The following CD300LD variants were observed in gnomAD, a reference collection of about 807,000 sequenced individuals.
CD300LD encodes CMRF35-like molecule 5.
CD300LD carries 18 observed loss-of-function variants against 20.3 expected under a neutral mutation model. The ratio of observed to expected loss-of-function variants is 0.89; its 90% confidence interval spans 0.61 to 1.32. CD300LD has a LOEUF of 1.32. Ranked by LOEUF, CD300LD falls within the 40% of genes most tolerant of loss-of-function variation. The pLI is 0.00. For missense variants in CD300LD, 195 were observed against 226.6 expected (o/e 0.86, Z 0.90); for synonymous variants, 104 against 90.1 (o/e 1.15, Z -0.87).
intron 2 of CD300LD, among the ~76,000 whole-genome samples, chr17:74,586,965 C>G (rs1017075347): frequency 1.3e-5 from 2 of 152,132 alleles, no homozygotes; most frequent in Non-Finnish European, 1.5e-5. Context: ...GCCTGACCAA[C>G]ATGGAGAAAC....
chr17:74,580,056 G>A lies in CD300LD; in HGVS notation c.531C>T (p.Leu177=). ...LFLFLLELPL[L]LSMLGTVLWV... is the part of the protein sequence containing the mutation. ...AGAGGACGGTCCCCAGCATGCTCAG[G>A]AGCAGAGGCAGCTCCAGGAGGAACA... Residue 177 remains leucine, a synonymous_variant, in exon 4 of 4, where the codon CTC becomes CTT. Coordinates refer to ENST00000375352, the MANE Select transcript of CD300LD (RefSeq NM_001115152.2). 1.9e-6 allele frequency: 3 copies of A among 1,613,630 alleles called. No individual in the cohort carries two copies. The highest frequency in any genetic ancestry group is 2.5e-6 in the Non-Finnish European group (3 of 1,179,794).
chr17:74,585,188 C>T (rs2030128950), intron 2 of CD300LD, among the ~76,000 whole-genome samples: 1 of 152,182 alleles, frequency 6.6e-6, no homozygotes, highest in Non-Finnish European at 1.5e-5. Flanking sequence ...TTTCCACAGA[C>T]AGGCAGTCTT....
chr17:74,584,458 A>T (rs1750579646), intron 2 of CD300LD, among the ~76,000 whole-genome samples: 1 of 152,202 alleles, frequency 6.6e-6, no homozygotes, highest in African/African-American at 2.4e-5. Context: ...TGAAAGCAGG[A>T]TGTTGGAAAA....
At chr17:74,589,446 T>A (rs1465695297) in intron 1 of CD300LD, among the ~76,000 whole-genome samples, 1 of 152,218 alleles carries the variant, frequency 6.6e-6, no homozygotes, top group Non-Finnish European at 1.5e-5. Context: ...ACTTTTAAGA[T>A]AAACACAAGT....
At chr17:74,582,820 G>C (rs1015970978) in intron 2 of CD300LD, among the ~76,000 whole-genome samples, 14 of 152,110 alleles carry the variant, frequency 9.2e-5, no homozygotes, top group Non-Finnish European at 1.5e-4. Flanking sequence ...TACCCCTGTT[G>C]AAGTCTGGCT....
Position 74,579,970 on chromosome 17 carries a change from G to C in CD300LD, c.*32C>G. 7.2e-7 allele frequency: 1 copy of C among 1,387,582 alleles called. No homozygotes were observed. The highest frequency in any genetic ancestry group is 1.0e-6 in the Non-Finnish European group (1 of 978,188). The allele number at this position is 1,387,582 out of a possible 1,614,324, so 86.0% of individuals were successfully genotyped here. A position where few individuals can be genotyped will look rare whatever the true frequency, so the allele number is the denominator to read the frequency against. ...CTGGACAGGACGTCAATGGGCATTG[G>C]GACTCTCATCATCGGGCTGACTCCT... is the stretch of plus-strand genomic sequence containing the variant. On this transcript the variant is annotated 3_prime_UTR_variant, in exon 4 of 4. Coordinates refer to ENST00000375352, the MANE Select transcript of CD300LD (RefSeq NM_001115152.2).
At chr17:74,591,914 T>G in intron 1 of CD300LD, 1 of 1,011,090 alleles carries the variant, frequency 9.9e-7, no homozygotes, top group Non-Finnish European at 1.4e-6. Flanking sequence ...TATGGAACAG[T>G]CAGGGTTGAG....
chr17:74,591,968 G>A, intron 1 of CD300LD, 195 bp downstream of exon 1: 1 of 1,479,200 alleles, frequency 6.8e-7, no homozygotes, highest in Non-Finnish European at 9.1e-7. Flanking sequence ...TGTTTTGTGT[G>A]TGTTTGTTTC....
intron 3 of CD300LD, among the ~76,000 whole-genome samples, chr17:74,580,792 G>A (rs1174376875): frequency 8.6e-5 from 13 of 151,810 alleles, no homozygotes; most frequent in South Asian, 4.2e-4. Flanking sequence ...CAGGCCAGGC[G>A]TGGTGGTTCG....
Position 74,585,386 on chromosome 17 carries a change from T to A in CD300LD, c.380-3075A>T, listed in dbSNP as rs369904224. On this transcript the variant is annotated intron_variant, in intron 2 of 3. Coordinates refer to ENST00000375352, the MANE Select transcript of CD300LD (RefSeq NM_001115152.2). ...TCTAAAAATCTGAAAAAATATTTTG[T>A]CCCACCCACAGTACCAATTAAAAAT... 9.9e-5 allele frequency among the ~76,000 whole-genome samples: 15 copies of A among 152,160 alleles called. No individual in the cohort carries two copies. The East Asian group carries it at 1.7e-3, about 18-fold the overall frequency.
At chr17:74,581,894 T>C (rs1022717842) in intron 3 of CD300LD, among the ~76,000 whole-genome samples, 74 of 152,282 alleles carry the variant, frequency 4.9e-4, no homozygotes, top group Middle Eastern at 3.4e-3. Context: ...AGGTTTGCAG[T>C]GACTTTACTG....
At chr17:74,590,614 A>G (rs1174973024) in intron 1 of CD300LD, 1 of 152,156 alleles carries the variant, frequency 6.6e-6, no homozygotes, top group Non-Finnish European at 1.5e-5. Context: ...CTCCATGCCC[A>G]AATCTGCTTT....
rs896186246 is a variant in CD300LD at position 74,579,505 on chromosome 17, G to A, written c.*497C>T. On this transcript the variant is annotated 3_prime_UTR_variant, in exon 4 of 4. Coordinates refer to ENST00000375352, the MANE Select transcript of CD300LD (RefSeq NM_001115152.2). ...AGAAGGGAATAGCCCCAGGTGGCAC[G>A]GCTGCAGGAGATAGGGGACTAGGAG... The A allele has an allele frequency of 9.0e-5, 14 of 155,380 alleles. No individual in the cohort carries two copies. The East Asian group carries it at 1.9e-3, about 21-fold the overall frequency. 9.6% of individuals were successfully genotyped at this position (155,380 alleles called of 1,614,324 possible). A position where few individuals can be genotyped will look rare whatever the true frequency, so the allele number is the denominator to read the frequency against.
rs2029995629 is a variant in CD300LD at position 74,579,925 on chromosome 17, C to T, written c.*77G>A. Reference sequence around the variant, plus strand: ...AAGAGAAAAGAAAATGTTTTTTCTTCTGTGGGAGGGCCTTTCGCCCTGGAC... The same window carrying T: ...AAGAGAAAAGAAAATGTTTTTTCTTTTGTGGGAGGGCCTTTCGCCCTGGAC... On this transcript the variant is annotated 3_prime_UTR_variant, in exon 4 of 4. Coordinates refer to ENST00000375352, the MANE Select transcript of CD300LD (RefSeq NM_001115152.2). 3 of 816,568 alleles carry T rather than the reference C, an allele frequency of 3.7e-6. No individual in the cohort carries two copies. Among genetic ancestry groups the T allele is most frequent in the Admixed American group, 4.9e-5 (2 of 40,762 alleles). The allele number at this position is 816,568 out of a possible 1,614,324, so 50.6% of individuals were successfully genotyped here. A position where few individuals can be genotyped will look rare whatever the true frequency, so the allele number is the denominator to read the frequency against.
chr17:74,591,493 A>G (rs2030316791), intron 1 of CD300LD, among the ~76,000 whole-genome samples: 1 of 152,066 alleles, frequency 6.6e-6, no homozygotes, highest in Non-Finnish European at 1.5e-5. Context: ...ATGCTTCCTC[A>G]AAAAGTTAAA....
chr17:74,579,111 G>C (rs1719469), downstream of CD300LD, among the ~76,000 whole-genome samples: 6 of 152,092 alleles, frequency 3.9e-5, no homozygotes, highest in Non-Finnish European at 7.4e-5. Flanking sequence ...ATCTTCAATC[G>C]TACTCATCCA....
intron 2 of CD300LD, among the ~76,000 whole-genome samples, chr17:74,587,208 G>A (rs1261093966): frequency 6.6e-6 from 1 of 152,096 alleles, no homozygotes; most frequent in Admixed American, 6.5e-5. Context: ...ATCTGAGCCT[G>A]AAATTTTCTT....
At chr17:74,585,862 G>A (rs977745062) in intron 2 of CD300LD, among the ~76,000 whole-genome samples, 1 of 152,138 alleles carries the variant, frequency 6.6e-6, no homozygotes, top group Non-Finnish European at 1.5e-5. Context: ...TGCTGGACAC[G>A]GAGACATTAC....
chr17:74,582,000 C>G (rs946711282), intron 3 of CD300LD, among the ~76,000 whole-genome samples: 2 of 152,224 alleles, frequency 1.3e-5, no homozygotes, highest in African/African-American at 4.8e-5. Context: ...GCATAGAATG[C>G]TCAGTTAAAT....
Sources: gnomAD v4.1 joint callset for allele counts (sites outside exome capture counted in the v4.1 genomes callset) on GRCh38, gnomAD v4.1.1 for gene constraint, MANE v1.5 for transcripts, NCBI Gene and HGNC (gene_info 2026-07-23, HGNC 2026-07-21) for gene names.